Variants in TIMM17A observed in about 807,000 individuals in gnomAD.
TIMM17A encodes translocase of inner mitochondrial membrane 17A, also known as mitochondrial import inner membrane translocase subunit Tim17-A.
TIMM17A carries 15 observed loss-of-function variants against 26.5 expected under a neutral mutation model. That is an observed-to-expected ratio of 0.57 (90% CI 0.38 to 0.87). TIMM17A has a LOEUF of 0.87. TIMM17A is among the 40% of genes least tolerant of loss of function. The probability of loss-of-function intolerance (pLI) is 0.00; values close to 1 mark genes in which losing one functional copy is unlikely to be tolerated. For synonymous variants in TIMM17A, 80 were observed against 70.8 expected (o/e 1.13, Z -0.66); for missense variants, 201 against 210.0 (o/e 0.96, Z 0.27).
At chr1:201,957,417 C>G (rs752180283) in intron 2 of TIMM17A, 37 bp downstream of exon 2, 7 of 1,594,332 alleles carry the variant, frequency 4.4e-6, no homozygotes, top group Non-Finnish European at 6.0e-6. Context: ...TCATCACTTG[C>G]AACTTGGGTT....
intron 3 of TIMM17A, among the ~76,000 whole-genome samples, chr1:201,961,067 T>TC (rs1682518802): frequency 1.9e-5 from 1 of 53,638 alleles, no homozygotes; most frequent in Admixed American, 2.3e-4. Context: ...TTATATTTTC[T>TC]TTTTTTTTTT....
At chr1:201,957,047 C>G (rs1242928185) in intron 1 of TIMM17A, among the ~76,000 whole-genome samples, 1 of 151,888 alleles carries the variant, frequency 6.6e-6, no homozygotes, top group Non-Finnish European at 1.5e-5. Flanking sequence ...GTACGTATGC[C>G]CTGAAACAAT....
chr1:201,961,651 A>G (rs551864288), intron 3 of TIMM17A, among the ~76,000 whole-genome samples: 1 of 152,148 alleles, frequency 6.6e-6, no homozygotes, highest in Non-Finnish European at 1.5e-5. Flanking sequence ...CAGGAGTTCA[A>G]CACCCTTGAC....
At chr1:201,959,932 G>A (rs540860771) in intron 3 of TIMM17A, among the ~76,000 whole-genome samples, 7 of 151,484 alleles carry the variant, frequency 4.6e-5, no homozygotes, top group South Asian at 4.2e-4. Flanking sequence ...CCCGGGAGGC[G>A]GAACTTGGCA....
At chr1:201,966,910 TA>T (rs1162795137) in intron 5 of TIMM17A, among the ~76,000 whole-genome samples, 1 of 147,836 alleles carries the variant, frequency 6.8e-6, no homozygotes, top group Non-Finnish European at 1.5e-5. Flanking sequence ...TTATATATGT[TA>T]TATAATATGT....
At position 201,955,763 on chromosome 1, in the gene TIMM17A, C is replaced by G. The variant is rs575603628; in HGVS notation, c.26+211C>G. Among the ~76,000 whole-genome samples the G allele has an allele frequency of 5.9e-5, 9 of 152,348 alleles. No homozygotes were observed. In the South Asian group the frequency reaches 1.9e-3, roughly 32 times the overall value. On this transcript the variant is annotated intron_variant, in intron 1 of 5. Coordinates refer to ENST00000367287, the MANE Select transcript of TIMM17A (RefSeq NM_006335.3). ...GCCGCGTGAGCCTCCCTCTCCCAAC[C>G]CAGCACCCGTGTGACCTTGTGATGG...
intron 1 of TIMM17A, among the ~76,000 whole-genome samples, 157 bp from the exon 2 acceptor site, chr1:201,957,124 A>G (rs1682427603): frequency 6.6e-6 from 1 of 152,210 alleles, no homozygotes; most frequent in Non-Finnish European, 1.5e-5. Flanking sequence ...CTGTTTGATT[A>G]CAGCATTTCC....
rs556521121 is a variant in TIMM17A at position 201,969,032 on chromosome 1, T to A, written c.431-437T>A. On this transcript the variant is annotated intron_variant, in intron 5 of 5. Transcript: ENST00000367287. Reference sequence around the variant, plus strand: ...TCCCTACTTAATTGGTTATATAAATTGGATTACCAAGTTCTCTTAAAACAT... The same window carrying A: ...TCCCTACTTAATTGGTTATATAAATAGGATTACCAAGTTCTCTTAAAACAT... 2.0e-5 allele frequency among the ~76,000 whole-genome samples: 3 copies of A among 152,270 alleles called. No individual in the cohort carries two copies. The South Asian group carries it at 6.2e-4, about 32-fold the overall frequency.
chr1:201,964,173 A>T (rs1181077329), intron 4 of TIMM17A, among the ~76,000 whole-genome samples: 1 of 152,132 alleles, frequency 6.6e-6, no homozygotes, highest in East Asian at 1.9e-4. Context: ...AAGTAAGGGG[A>T]TCTATTTATT....
At chr1:201,960,981 C>T (rs1012339709) in intron 3 of TIMM17A, among the ~76,000 whole-genome samples, 2 of 151,908 alleles carry the variant, frequency 1.3e-5, no homozygotes, top group Admixed American at 1.3e-4. Context: ...AACTCCCTAC[C>T]TCAGGTGATC....
chr1:201,957,329 C>G lies in TIMM17A; in HGVS notation c.75C>G (p.Thr25=). The G allele has an allele frequency of 2.5e-6, 4 of 1,613,992 alleles. No individual in the cohort carries two copies. The highest frequency in any genetic ancestry group is 3.4e-6 in the Non-Finnish European group (4 of 1,179,960). ...DDCGGAFTMG[T]IGGGIFQAIK... Reference sequence around the variant, plus strand: ...GTGGTGGGGCCTTTACGATGGGTACCATTGGTGGTGGTATCTTTCAAGCAA... The same window carrying G: ...GTGGTGGGGCCTTTACGATGGGTACGATTGGTGGTGGTATCTTTCAAGCAA... Residue 25 remains threonine (T), a synonymous_variant, in exon 2 of 6, where the codon ACC becomes ACG. Coordinates refer to ENST00000367287, the MANE Select transcript of TIMM17A (RefSeq NM_006335.3).
rs572223784 is a variant in TIMM17A, at chr1:201,966,991, T to TTATGTGTGTGTGTGTGTG, written c.430+1449_430+1450insATGTGTGTGTGTGTGTGT. The stretch of plus-strand genomic sequence containing the variant: ...TTATATATGTTGTATATTATATATG[T>TTATGTGTGTGTGTGTGTG]TGTGTGTGTGTGTGTGTGTGTGTGT... On this transcript the variant is annotated intron_variant, in intron 5 of 5. Transcript: ENST00000367287. Among the ~76,000 whole-genome samples, 723 of 133,054 alleles carry TTATGTGTGTGTGTGTGTG rather than the reference T, an allele frequency of 5.4e-3. 9 individuals are homozygous for TTATGTGTGTGTGTGTGTG. The highest frequency in any genetic ancestry group is 0.013 in the African/African-American group (479 of 35,822). 87.3% of individuals were successfully genotyped at this position (133,054 alleles called of 152,430 possible).
In TIMM17A at chr1:201,963,742, G is replaced by C. The variant is rs747745292; in HGVS notation, c.317G>C (p.Arg106Thr). 1 of 1,596,494 alleles carries C rather than the reference G, an allele frequency of 6.3e-7. No individual in the cohort carries two copies. Among genetic ancestry groups the C allele is most frequent in the Non-Finnish European group, 8.5e-7 (1 of 1,175,826 alleles). Residue 106 changes from arginine to threonine, a missense_variant and splice_region_variant, in exon 4 of 6, where the codon AGA (arginine) becomes ACA (threonine). Physicochemically the swap from Arg to Thr is moderately conservative, Grantham distance 71 (BLOSUM62 -1). Transcript: ENST00000367287. ...TTAACGGGAGCCATACTGGCAGCAA[G>C]AAGTAAGTAGTCATTACAGACATAC... ...GALTGAILAARNGPVAMVGSA... is the reference protein window; with the variant it reads ...GALTGAILAATNGPVAMVGSA...
intron 5 of TIMM17A, 120 bp from the exon 6 acceptor site, chr1:201,969,349 T>A (rs943576739): frequency 1.2e-5 from 9 of 770,836 alleles, no homozygotes; most frequent in East Asian, 1.1e-4. Flanking sequence ...AATTTAGGGT[T>A]ATAGCTTTAA....
intron 5 of TIMM17A, among the ~76,000 whole-genome samples, chr1:201,968,163 AT>A (rs34204655): frequency 3.4e-5 from 5 of 146,778 alleles, no homozygotes; most frequent in Admixed American, 6.8e-5. Context: ...CACCTGGCTC[AT>A]TTTTTTTTTG....
intron 3 of TIMM17A, among the ~76,000 whole-genome samples, chr1:201,959,254 G>T (rs1039676424): frequency 6.6e-6 from 1 of 152,206 alleles, no homozygotes; most frequent in Non-Finnish European, 1.5e-5. Context: ...TACTCAGGAG[G>T]CTGACGCAGG....
chr1:201,966,794 A>G (rs1384412400), intron 5 of TIMM17A, among the ~76,000 whole-genome samples: 1 of 149,364 alleles, frequency 6.7e-6, no homozygotes, highest in East Asian at 2.0e-4. Flanking sequence ...GTGAGCTGAG[A>G]TCACACCATT....
At chr1:201,964,311 A>G (rs1682584448) in intron 4 of TIMM17A, among the ~76,000 whole-genome samples, 1 of 152,198 alleles carries the variant, frequency 6.6e-6, no homozygotes, top group Non-Finnish European at 1.5e-5. Context: ...TTTTTATGCT[A>G]TAATTTCTTC....
In TIMM17A at chr1:201,969,480, G is replaced by A; in HGVS notation, c.442G>A (p.Ala148Thr). Residue 148 changes from alanine to threonine, a missense_variant, in exon 6 of 6, where the codon GCA becomes ACA. Coordinates refer to ENST00000367287, the MANE Select transcript of TIMM17A (RefSeq NM_006335.3). ...TTTCTCACTTGCAGGTCCTCAGTTT[G>A]CAGAAGACCCCTCCCAGTTGCCTTC... The part of the protein sequence containing the change: ...SAQFPNGPQF[A>T]EDPSQLPSTQ... 6.2e-7 allele frequency: 1 copy of A among 1,613,166 alleles called. No homozygotes were observed. The highest frequency in any genetic ancestry group is 8.5e-7 in the Non-Finnish European group (1 of 1,179,390).
Sources: allele counts gnomAD v4.1 joint callset (sites outside exome capture counted in the v4.1 genomes callset), GRCh38; gene constraint gnomAD v4.1.1; transcripts MANE v1.5; gene names NCBI Gene and HGNC (gene_info 2026-07-23, HGNC 2026-07-21).